BMAL1: variants seen among roughly 807,000 people sequenced by gnomAD.
The protein encoded by BMAL1 is basic helix-loop-helix ARNT like 1, also known as basic helix-loop-helix ARNT-like protein 1.
At chr11:13,287,169 C>T in the BMAL1 span, among the ~76,000 whole-genome samples, 261 of 152,272 alleles carry the variant, frequency 1.7e-3, 3 homozygotes, top group East Asian at 0.046. Flanking sequence ...ATTTAAGTGA[C>T]GTTAGTGGCA....
At chr11:13,365,622 C>T in the BMAL1 span, 9 of 1,566,958 alleles carry the variant, frequency 5.7e-6, no homozygotes, top group Non-Finnish European at 7.9e-6. Context: ...TGATGGTGGG[C>T]AGCCTCACAG....
chr11:13,324,137 G>GCT, the BMAL1 span, among the ~76,000 whole-genome samples: 150,312 of 152,300 alleles, frequency 0.99, 74,214 homozygotes, highest in East Asian at 1. Context: ...CCAGACCACT[G>GCT]CTCTACCCTC....
the BMAL1 span, among the ~76,000 whole-genome samples, chr11:13,372,693 C>T: frequency 6.6e-6 from 1 of 152,020 alleles, no homozygotes; most frequent in East Asian, 1.9e-4. Context: ...ACCTGTAGTC[C>T]CATCTACTCT....
chr11:13,308,863 A>G, the BMAL1 span, among the ~76,000 whole-genome samples: 17 of 152,118 alleles, frequency 1.1e-4, no homozygotes, highest in Non-Finnish European at 2.2e-4. Flanking sequence ...TCATACCTTC[A>G]TTCATTTGTG....
At chr11:13,333,988 T>C in the BMAL1 span, among the ~76,000 whole-genome samples, 1 of 152,164 alleles carries the variant, frequency 6.6e-6, no homozygotes, top group Non-Finnish European at 1.5e-5. Context: ...TCAGTATTAA[T>C]CCCAGTAAAG....
the BMAL1 span, among the ~76,000 whole-genome samples, chr11:13,292,913 G>A: frequency 6.6e-6 from 1 of 152,192 alleles, no homozygotes; most frequent in Non-Finnish European, 1.5e-5. Flanking sequence ...GCCGGAATTT[G>A]CAACTACATA....
At chr11:13,334,253 TAC>T in the BMAL1 span, among the ~76,000 whole-genome samples, 1 of 152,242 alleles carries the variant, frequency 6.6e-6, no homozygotes, top group African/African-American at 2.4e-5. Flanking sequence ...AAGACTATCT[TAC>T]AGCCTTTCCT....
chr11:13,319,692 A>C, the BMAL1 span, among the ~76,000 whole-genome samples: 2 of 152,210 alleles, frequency 1.3e-5, no homozygotes, highest in Non-Finnish European at 2.9e-5. Flanking sequence ...ACAATTATTA[A>C]ATAATTATTA....
the BMAL1 span, among the ~76,000 whole-genome samples, chr11:13,383,714 G>T: frequency 6.6e-6 from 1 of 152,038 alleles, no homozygotes; most frequent in Admixed American, 6.6e-5. Context: ...TTATCCAGGT[G>T]TGGTGGTGTA....
the BMAL1 span, among the ~76,000 whole-genome samples, chr11:13,383,273 A>C: frequency 4.9e-4 from 75 of 152,328 alleles, no homozygotes; most frequent in African/African-American, 1.6e-3. Context: ...ATAAAGCAGC[A>C]GTTCTACAAA....
the BMAL1 span, among the ~76,000 whole-genome samples, chr11:13,283,029 G>T: frequency 6.6e-6 from 1 of 152,202 alleles, no homozygotes; most frequent in Non-Finnish European, 1.5e-5. Context: ...CTTAACCTCA[G>T]GGGGAGATAA....
At chr11:13,380,479 G>C in the BMAL1 span, 1 of 152,212 alleles carries the variant, frequency 6.6e-6, no homozygotes, top group Non-Finnish European at 1.5e-5. Context: ...CCTTCAGCCT[G>C]ACAAGTATTT....
chr11:13,383,585 A>G, the BMAL1 span, among the ~76,000 whole-genome samples: 1 of 152,114 alleles, frequency 6.6e-6, no homozygotes, highest in Non-Finnish European at 1.5e-5. Context: ...GCAGTGGCTC[A>G]CCCCTGTAAT....
the BMAL1 span, among the ~76,000 whole-genome samples, chr11:13,288,769 A>G: frequency 7.0e-4 from 106 of 152,292 alleles, no homozygotes; most frequent in Admixed American, 2.2e-3. Flanking sequence ...GAGAAGCCAG[A>G]ACTGAGAATT....
At chr11:13,374,000 T>C in the BMAL1 span, 3 of 1,082,576 alleles carry the variant, frequency 2.8e-6, no homozygotes, top group Admixed American at 5.5e-5. Flanking sequence ...TTGACCTTGC[T>C]CTCATAGGCT....
the BMAL1 span, among the ~76,000 whole-genome samples, chr11:13,334,340 A>G: frequency 6.6e-6 from 1 of 152,212 alleles, no homozygotes; most frequent in Non-Finnish European, 1.5e-5. Context: ...GCAAGAAATC[A>G]TTAGACAGGA....
chr11:13,354,274 C>A, the BMAL1 span: 2 of 1,433,650 alleles, frequency 1.4e-6, no homozygotes, highest in Non-Finnish European at 9.3e-7. Flanking sequence ...AATAAACACA[C>A]CTTTGTGCCT....
chr11:13,353,677 G>C, the BMAL1 span, among the ~76,000 whole-genome samples: 1 of 152,060 alleles, frequency 6.6e-6, no homozygotes, highest in African/African-American at 2.4e-5. Context: ...TATTAGCCAG[G>C]TGTGGTGGTG....
the BMAL1 span, chr11:13,386,507 C>T: frequency 7.6e-7 from 1 of 1,316,882 alleles, no homozygotes; most frequent in South Asian, 1.9e-5. Flanking sequence ...ATGTAACTTT[C>T]TTATTAAAAA....
Sources: allele counts gnomAD v4.1 joint callset (sites outside exome capture counted in the v4.1 genomes callset), GRCh38; gene constraint gnomAD v4.1.1; transcripts MANE v1.5; gene names NCBI Gene and HGNC (gene_info 2026-07-23, HGNC 2026-07-21).